FHIT: variants seen among roughly 807,000 people sequenced by gnomAD.
FHIT encodes fragile histidine triad diadenosine triphosphatase, also known as bis(5'-adenosyl)-triphosphatase.
FHIT carries 19 observed loss-of-function variants against 17.9 expected under a neutral mutation model. That is an observed-to-expected ratio of 1.06 (90% CI 0.74 to 1.56). The LOEUF (loss-of-function observed/expected upper bound fraction) is 1.56. FHIT is among the 40% of genes most tolerant of loss of function. The pLI is 0.00. For synonymous variants in FHIT, 81 were observed against 69.7 expected (o/e 1.16, Z -0.81); for missense variants, 248 against 189.2 (o/e 1.31, Z -1.82).
chr3:60,068,889 T>C (rs1387781734), intron 5 of FHIT, among the ~76,000 whole-genome samples: 1 of 152,190 alleles, frequency 6.6e-6, no homozygotes, highest in Non-Finnish European at 1.5e-5. Flanking sequence ...ATGCATAAAA[T>C]ACATAAAACA....
intron 3 of FHIT, among the ~76,000 whole-genome samples, chr3:60,873,448 T>A (rs1704503897): frequency 6.6e-6 from 1 of 152,236 alleles, no homozygotes; most frequent in Non-Finnish European, 1.5e-5. Flanking sequence ...CTGTGCAGCC[T>A]TGTTTCCTTC....
intron 5 of FHIT, among the ~76,000 whole-genome samples, chr3:60,422,577 C>G (rs12632676): frequency 0.16 from 24,179 of 151,988 alleles, 2,304 homozygotes; most frequent in South Asian, 0.38. Flanking sequence ...TACATAAACT[C>G]AAGGGTAACT....
intron 5 of FHIT, among the ~76,000 whole-genome samples, chr3:60,365,478 A>G (rs1057467976): frequency 2.6e-5 from 4 of 152,196 alleles, no homozygotes; most frequent in Non-Finnish European, 5.9e-5. Flanking sequence ...ACATTAAAAT[A>G]GTAACTGAGT....
intron 5 of FHIT, among the ~76,000 whole-genome samples, chr3:60,415,728 G>A (rs1702222259): frequency 5.0e-5 from 2 of 39,956 alleles, no homozygotes; most frequent in South Asian, 2.1e-3. Context: ...ACAAACGCCT[G>A]AGTTAAAAAA....
At chr3:60,471,717 T>C (rs2033096582) in intron 5 of FHIT, among the ~76,000 whole-genome samples, 4 of 152,178 alleles carry the variant, frequency 2.6e-5, no homozygotes, top group Admixed American at 2.6e-4. Context: ...AGGTACTTTT[T>C]TGTATGTACA....
At chr3:60,169,369 A>C (rs1282564922) in intron 5 of FHIT, among the ~76,000 whole-genome samples, 62 of 152,190 alleles carry the variant, frequency 4.1e-4, no homozygotes, top group Non-Finnish European at 5.9e-5. Flanking sequence ...CCATCATTGC[A>C]TAGGGCAGGA....
At chr3:60,847,830 G>A (rs1330581824) in intron 3 of FHIT, among the ~76,000 whole-genome samples, 18 of 151,636 alleles carry the variant, frequency 1.2e-4, no homozygotes, top group African/African-American at 4.1e-4. Context: ...CATTTTTTTT[G>A]GTCCCCGTAT....
At chr3:60,355,825 G>A (rs1699630958) in intron 5 of FHIT, among the ~76,000 whole-genome samples, 2 of 152,072 alleles carry the variant, frequency 1.3e-5, no homozygotes, top group Non-Finnish European at 2.9e-5. Flanking sequence ...TACCTCCTTT[G>A]TCTAGTATTT....
At chr3:60,580,316 G>A in intron 4 of FHIT, among the ~76,000 whole-genome samples, 1 of 152,064 alleles carries the variant, frequency 6.6e-6, no homozygotes, top group African/African-American at 2.4e-5. Flanking sequence ...AAGAAAAAAT[G>A]CTTAAGTGAA....
chr3:60,632,691 A>T (rs1448350964), intron 4 of FHIT, among the ~76,000 whole-genome samples: 1 of 152,190 alleles, frequency 6.6e-6, no homozygotes, highest in African/African-American at 2.4e-5. Context: ...GGAAGGACAT[A>T]CTTCTTAGTA....
intron 5 of FHIT, among the ~76,000 whole-genome samples, chr3:60,258,957 G>GGAAGGA (rs1196681149): frequency 6.6e-6 from 1 of 151,860 alleles, no homozygotes; most frequent in Non-Finnish European, 1.5e-5. Flanking sequence ...AAGGGGAAGG[G>GGAAGGA]GAAGGGGAAG....
chr3:59,804,838 C>G, intron 8 of FHIT, among the ~76,000 whole-genome samples: 1 of 152,154 alleles, frequency 6.6e-6, no homozygotes, highest in East Asian at 1.9e-4. Flanking sequence ...TCTGGAGCTG[C>G]CCCACGGTAG....
intron 5 of FHIT, among the ~76,000 whole-genome samples, chr3:60,089,657 A>G (rs1703646809): frequency 1.3e-5 from 2 of 152,178 alleles, no homozygotes; most frequent in Admixed American, 1.3e-4. Context: ...CTAACAAAAT[A>G]CCTGACAATG....
intron 3 of FHIT, among the ~76,000 whole-genome samples, chr3:60,899,997 G>A (rs782735458): frequency 1.3e-5 from 2 of 152,168 alleles, no homozygotes; most frequent in African/African-American, 2.4e-5. Flanking sequence ...TTGGGCCCCA[G>A]CAGCTACTTT....
intron 3 of FHIT, among the ~76,000 whole-genome samples, chr3:60,923,661 T>A (rs1553768995): frequency 6.6e-6 from 1 of 152,064 alleles, no homozygotes; most frequent in East Asian, 1.9e-4. Flanking sequence ...TTTCTGCATT[T>A]CCAACTGAGG....
intron 5 of FHIT, among the ~76,000 whole-genome samples, chr3:60,031,434 T>TG (rs1195014950): frequency 1.3e-5 from 2 of 152,314 alleles, no homozygotes; most frequent in East Asian, 1.9e-4. Flanking sequence ...AACTAGTAAA[T>TG]GGTAGAACAG....
intron 4 of FHIT, among the ~76,000 whole-genome samples, chr3:60,701,455 A>C (rs74323669): frequency 0.031 from 4,649 of 152,164 alleles, 107 homozygotes; most frequent in Non-Finnish European, 0.046. Context: ...AACTTTTAAG[A>C]ATAATGTGGT....
At chr3:61,029,921 C>T (rs574438021) in intron 3 of FHIT, among the ~76,000 whole-genome samples, 1 of 152,226 alleles carries the variant, frequency 6.6e-6, no homozygotes, top group African/African-American at 2.4e-5. Context: ...GTTAGAACCT[C>T]AGGCTCTTGG....
At chr3:59,886,522 A>G (rs1157877805) in intron 8 of FHIT, among the ~76,000 whole-genome samples, 3 of 152,100 alleles carry the variant, frequency 2.0e-5, no homozygotes, top group Non-Finnish European at 4.4e-5. Flanking sequence ...GGCTGCTTCC[A>G]CTCATGGCAA....
Sources: allele counts gnomAD v4.1 joint callset (sites outside exome capture counted in the v4.1 genomes callset), GRCh38; gene constraint gnomAD v4.1.1; transcripts MANE v1.5; gene names NCBI Gene and HGNC (gene_info 2026-07-23, HGNC 2026-07-21).